NLRC4: variants seen among roughly 807,000 people sequenced by gnomAD.
NLRC4 encodes the protein NLR family CARD domain-containing protein 4.
A neutral mutation model predicts 79.9 loss-of-function variants in NLRC4; 63 were observed. The observed-to-expected ratio is 0.79, with a 90% confidence interval of 0.64 to 0.97. The LOEUF (loss-of-function observed/expected upper bound fraction) is 0.97. Ranked by LOEUF, NLRC4 falls within the 50% of genes least tolerant of loss-of-function variation. The probability of loss-of-function intolerance (pLI) is 0.00; values close to 1 mark genes in which losing one functional copy is unlikely to be tolerated. For missense variants in NLRC4, 1,074 were observed against 1,215.2 expected, an observed-to-expected ratio of 0.88 and a Z score of 1.73; for synonymous variants, 461 against 456.5, an observed-to-expected ratio of 1.01 and a Z score of -0.12.
At chr2:32,241,710 T>TA (rs1318391727) in intron 4 of NLRC4, among the ~76,000 whole-genome samples, 1 of 151,952 alleles carries the variant, frequency 6.6e-6, no homozygotes, top group Non-Finnish European at 1.5e-5. Context: ...ACTTGGAAAT[T>TA]AAACAACACA....
chr2:32,233,336 T>TAC (rs1686593137), intron 8 of NLRC4, among the ~76,000 whole-genome samples: 1 of 42,838 alleles, frequency 2.3e-5, no homozygotes, highest in African/African-American at 1.3e-4. Context: ...TATATATATA[T>TAC]ATATATATAT....
chr2:32,250,061 A>T lies in NLRC4; in HGVS notation c.1803T>A (p.His601Gln). 6.2e-7 allele frequency: 1 copy of T among 1,614,214 alleles called. No homozygotes were observed. Among genetic ancestry groups the T allele is most frequent in the Non-Finnish European group, 8.5e-7 (1 of 1,180,022 alleles). The change falls in exon 4 of 9, where the codon CAT (histidine) becomes CAA (glutamine). Residue 601 changes from histidine to glutamine, a missense_variant. Coordinates refer to ENST00000402280, the MANE Select transcript of NLRC4 (RefSeq NM_001199138.2). The surrounding 1 kb of genome is among the most constrained non-coding windows in gnomAD (Gnocchi z 4.9). ...IPDYLFDFFE[H>Q]LPNCASALDF... ...CCAGGGCACTTGCACAATTGGGCAA[A>T]TGTTCAAAGAAGTCAAATAAGTAAT...
chr2:32,225,958 G>T (rs1294124103), intron 8 of NLRC4, among the ~76,000 whole-genome samples: 1 of 152,134 alleles, frequency 6.6e-6, no homozygotes, highest in Admixed American at 6.5e-5. Flanking sequence ...GGAAATGAAG[G>T]TCCATGATTC....
Position 32,250,186 on chromosome 2 carries a change from G to A in NLRC4, c.1678C>T (p.His560Tyr). ...TTGGATGTACTCTCTTGATATAAAT[G>A]GATGCCACACTCTACAAAGGAATTG... ...NINSFVECGI[H>Y]LYQESTSKSA... Residue 560 changes from histidine (H) to tyrosine (Y), a missense_variant, in exon 4 of 9, where the codon CAT (histidine) becomes TAT (tyrosine). Physicochemically the swap from His to Tyr is moderately conservative, Grantham distance 83 (BLOSUM62 2). Coordinates refer to ENST00000402280, the MANE Select transcript of NLRC4 (RefSeq NM_001199138.2). The surrounding 1 kb of genome is among the most constrained non-coding windows in gnomAD (Gnocchi z 4.9). The A allele has an allele frequency of 6.2e-7, 1 of 1,614,156 alleles. No individual in the cohort carries two copies. The highest frequency in any genetic ancestry group is 8.5e-7 in the Non-Finnish European group (1 of 1,180,010).
chr2:32,225,682 G>A (rs1443059991), intron 8 of NLRC4, among the ~76,000 whole-genome samples: 1 of 152,166 alleles, frequency 6.6e-6, no homozygotes, highest in Non-Finnish European at 1.5e-5. Flanking sequence ...CTTTCTGGAT[G>A]ACTAAGTTCA....
chr2:32,235,375 T>C, intron 8 of NLRC4, 26 bp downstream of exon 8: 3 of 1,582,554 alleles, frequency 1.9e-6, no homozygotes, highest in East Asian at 2.2e-5. Context: ...AATCCAGTTA[T>C]CTTGGCTCTG....
chr2:32,233,605 TA>T (rs1267968318), intron 8 of NLRC4, among the ~76,000 whole-genome samples: 1 of 152,074 alleles, frequency 6.6e-6, no homozygotes, highest in Non-Finnish European at 1.5e-5. Context: ...TTCCTCTGGT[TA>T]TTGGTTTCTA....
At chr2:32,229,418 C>G (rs1558445003) in intron 8 of NLRC4, among the ~76,000 whole-genome samples, 1 of 152,094 alleles carries the variant, frequency 6.6e-6, no homozygotes, top group Non-Finnish European at 1.5e-5. Flanking sequence ...CAGAGAATCC[C>G]AGGAAGCGGA....
At chr2:32,248,751 GC>G (rs1686996923) in intron 4 of NLRC4, among the ~76,000 whole-genome samples, 1 of 151,346 alleles carries the variant, frequency 6.6e-6, no homozygotes, top group Non-Finnish European at 1.5e-5. Context: ...GGGTGACAGA[GC>G]AAGACCCAAC....
chr2:32,260,581 C>G (rs982955822), intron 1 of NLRC4, among the ~76,000 whole-genome samples: 1 of 152,130 alleles, frequency 6.6e-6, no homozygotes, highest in African/African-American at 2.4e-5. Flanking sequence ...TAAAAAGCAG[C>G]CTGAAAAATC....
chr2:32,256,810 A>G lies in NLRC4; in HGVS notation c.-35T>C, dbSNP rs368801500. On this transcript the variant is annotated 5_prime_UTR_variant, in exon 2 of 9. Coordinates refer to ENST00000402280, the MANE Select transcript of NLRC4 (RefSeq NM_001199138.2). ...TGAAAGCTTCCCACCTTTCTATAACACAATAGAAAATATTATTTCCAAATG... is the reference window on the plus strand; with the variant it reads ...TGAAAGCTTCCCACCTTTCTATAACGCAATAGAAAATATTATTTCCAAATG... The G allele has an allele frequency of 2.8e-5, 22 of 780,410 alleles. No homozygotes were observed. Among genetic ancestry groups the G allele is most frequent in the African/African-American group, 2.4e-4 (14 of 59,134 alleles). The allele number at this position is 780,410 out of a possible 1,614,324, so 48.3% of individuals were successfully genotyped here.
chr2:32,230,371 C>T (rs1046492577), intron 8 of NLRC4, among the ~76,000 whole-genome samples: 4 of 152,006 alleles, frequency 2.6e-5, no homozygotes, highest in African/African-American at 9.7e-5. Context: ...TCTCCCAGGC[C>T]GGAGTGCAGT....
chr2:32,243,795 CAAAAAAA>C (rs796675444), intron 4 of NLRC4, among the ~76,000 whole-genome samples: 2 of 67,414 alleles, frequency 3.0e-5, no homozygotes, highest in African/African-American at 5.0e-5. Flanking sequence ...GATTCCATCT[CAAAAAAA>C]AAAAAAAAAA....
chr2:32,247,854 T>G (rs1202132364), intron 4 of NLRC4, among the ~76,000 whole-genome samples: 3 of 151,668 alleles, frequency 2.0e-5, no homozygotes, highest in Non-Finnish European at 2.9e-5. Flanking sequence ...TGAAATCATG[T>G]CTTTTGCAGC....
intron 5 of NLRC4, among the ~76,000 whole-genome samples, chr2:32,240,201 G>A (rs1201340476): frequency 6.6e-6 from 1 of 152,000 alleles, no homozygotes; most frequent in Admixed American, 6.6e-5. Context: ...GGCTGGTCTC[G>A]AACTCCTGAA....
rs762082592 is a variant in NLRC4, at chr2:32,250,333, C to T, written c.1531G>A (p.Ala511Thr). The stretch of plus-strand genomic sequence containing the variant: ...AGAAGGCAGCCGTGTTGATACACTG[C>T]TGCGAGGTGCTTCATAACAGCCCTG... ...ATRAVMKHLA[A>T]VYQHGCLLGL... Residue 511 changes from alanine (A) to threonine (T), a missense_variant, in exon 4 of 9, where the codon GCA becomes ACA. By Grantham distance (58) the Ala-to-Thr change is moderately conservative. Coordinates refer to ENST00000402280, the MANE Select transcript of NLRC4 (RefSeq NM_001199138.2). The surrounding 1 kb of genome is among the most constrained non-coding windows in gnomAD (Gnocchi z 4.9). 2.5e-6 allele frequency: 4 copies of T among 1,614,186 alleles called. No homozygotes were observed. The highest frequency in any genetic ancestry group is 2.2e-5 in the South Asian group (2 of 91,082).
intron 2 of NLRC4, among the ~76,000 whole-genome samples, chr2:32,254,619 T>TG (rs1003354507): frequency 4.7e-5 from 7 of 148,802 alleles, no homozygotes; most frequent in African/African-American, 1.8e-4. Context: ...CCTGGTTTTT[T>TG]TTTTTTTTTT....
chr2:32,249,746 C>T lies in NLRC4; in HGVS notation c.2118G>A (p.Leu706=), dbSNP rs750904345. 2.5e-6 allele frequency: 4 copies of T among 1,614,156 alleles called. No homozygotes were observed. The highest frequency in any genetic ancestry group is 1.3e-5 in the African/African-American group (1 of 75,032). ...AAATGTTCTTACAGGTGCTGAGGAC[C>T]AAACTGAGGCTTCCAGCCACACCAG... The part of the protein sequence containing the change: ...RCAGVAGSLS[L]VLSTCKNIYS... The change falls in exon 4 of 9, where the codon TTG becomes TTA. Residue 706 remains leucine, a synonymous_variant. Coordinates refer to ENST00000402280, the MANE Select transcript of NLRC4 (RefSeq NM_001199138.2).
At chr2:32,252,382 AC>A in intron 3 of NLRC4, 36 bp downstream of exon 3, 1 of 1,511,356 alleles carries the variant, frequency 6.6e-7, no homozygotes, top group Non-Finnish European at 9.2e-7. Context: ...GGTCTATTCT[AC>A]TTGCAGAAAC....
Sources: allele counts gnomAD v4.1 joint callset (sites outside exome capture counted in the v4.1 genomes callset), GRCh38; gene constraint gnomAD v4.1.1; non-coding constraint Gnocchi (gnomAD v3.1); transcripts MANE v1.5; gene names NCBI Gene and HGNC (gene_info 2026-07-23, HGNC 2026-07-21).